SHC3: variants seen among roughly 807,000 people sequenced by gnomAD.
SHC3 encodes the protein SHC-transforming protein 3.
Under a neutral mutation model 60.4 loss-of-function variants are expected in SHC3, and 15 were observed. That is an observed-to-expected ratio of 0.25 (90% CI 0.17 to 0.38). The LOEUF (loss-of-function observed/expected upper bound fraction) is 0.38. SHC3 is among the 10% of genes least tolerant of loss of function. SHC3 has a pLI of 1.00. For synonymous variants in SHC3, 294 were observed against 325.9 expected, an observed-to-expected ratio of 0.90 and a Z score of 1.05; for missense variants, 677 against 786.1, an observed-to-expected ratio of 0.86 and a Z score of 1.66.
intron 2 of SHC3, among the ~76,000 whole-genome samples, chr9:89,110,790 T>C (rs1019228712): frequency 6.6e-6 from 1 of 152,184 alleles, no homozygotes; most frequent in African/African-American, 2.4e-5. Context: ...ACTTGTCCCA[T>C]TATGCTGCTT....
At chr9:89,104,116 C>T (rs1825821153) in intron 2 of SHC3, among the ~76,000 whole-genome samples, 1 of 152,036 alleles carries the variant, frequency 6.6e-6, no homozygotes, top group South Asian at 2.1e-4. Flanking sequence ...CATTCTCAGT[C>T]ACCAAGTCAT....
At chr9:89,117,211 C>A (rs1189679733) in intron 1 of SHC3, among the ~76,000 whole-genome samples, 2 of 152,146 alleles carry the variant, frequency 1.3e-5, no homozygotes, top group African/African-American at 4.8e-5. Flanking sequence ...ATACCAGCAC[C>A]AACGTCGCAG....
In SHC3 at chr9:89,109,269, G is replaced by A. The variant is rs184101833; in HGVS notation, c.545+3287C>T. 92 of 735,732 alleles carry A rather than the reference G, an allele frequency of 1.3e-4. No homozygotes were observed. The East Asian group carries it at 1.8e-3, about 15-fold the overall frequency. 45.6% of individuals were successfully genotyped at this position (735,732 alleles called of 1,614,324 possible). A position where few individuals can be genotyped will look rare whatever the true frequency, so the allele number is the denominator to read the frequency against. On this transcript the variant is annotated intron_variant, in intron 2 of 11. Transcript: ENST00000375835. The stretch of plus-strand genomic sequence containing the variant: ...GTCTGAAGAGAGAGGTAGAGGGGTC[G>A]CAGAGGATGCATGGGTGAAGGGGGT...
At chr9:89,093,369 T>G (rs1461050957) in intron 2 of SHC3, among the ~76,000 whole-genome samples, 1 of 152,144 alleles carries the variant, frequency 6.6e-6, no homozygotes, top group Non-Finnish European at 1.5e-5. Context: ...GGCTGCTGAC[T>G]GAAAAAGGGC....
At position 89,008,729 on chromosome 9, in the gene SHC3, C is replaced by A. The variant is rs951698487; in HGVS notation, c.*4718G>T. On this transcript the variant is annotated 3_prime_UTR_variant, in exon 12 of 12. Coordinates refer to ENST00000375835, the MANE Select transcript of SHC3 (RefSeq NM_016848.6). ...AGTGATAGACTTGGTGAATAAATAC[C>A]CCAGCTGTCTCCCCGCCTTGCTGGG... 6.6e-6 allele frequency: 1 copy of A among 152,062 alleles called. No individual in the cohort carries two copies. The highest frequency in any genetic ancestry group is 2.4e-5 in the African/African-American group (1 of 41,388). 9.4% of individuals were successfully genotyped at this position (152,062 alleles called of 1,614,324 possible).
intron 1 of SHC3, among the ~76,000 whole-genome samples, chr9:89,173,721 A>G (rs919056905): frequency 1.3e-5 from 2 of 151,800 alleles, no homozygotes; most frequent in African/African-American, 4.8e-5. Context: ...GTGTGTGTAT[A>G]TGTGAGGTGT....
At chr9:89,151,042 A>G (rs1826539058) in intron 1 of SHC3, among the ~76,000 whole-genome samples, 2 of 146,322 alleles carry the variant, frequency 1.4e-5, no homozygotes, top group South Asian at 2.1e-4. Context: ...TTTTTGATAC[A>G]TGGTCTTATT....
At chr9:89,144,720 T>C (rs1449540580) in intron 1 of SHC3, among the ~76,000 whole-genome samples, 2 of 152,232 alleles carry the variant, frequency 1.3e-5, no homozygotes, top group Non-Finnish European at 2.9e-5. Context: ...GTCCTACAAG[T>C]ATGCTTTCTG....
In SHC3 at chr9:89,013,366, C is replaced by T. The variant is rs1826038517; in HGVS notation, c.*81G>A. ...AAGGCTCTGAGCCACAGGCAGCTGTCCCAGTTCCAGCAGCCCCGATTCTAG... is the reference window on the plus strand; with the variant it reads ...AAGGCTCTGAGCCACAGGCAGCTGTTCCAGTTCCAGCAGCCCCGATTCTAG... On this transcript the variant is annotated 3_prime_UTR_variant, in exon 12 of 12. Coordinates refer to ENST00000375835, the MANE Select transcript of SHC3 (RefSeq NM_016848.6). 1.4e-6 allele frequency: 2 copies of T among 1,386,194 alleles called. No individual in the cohort carries two copies. Among genetic ancestry groups the T allele is most frequent in the South Asian group, 2.0e-5 (1 of 49,704 alleles). The allele number at this position is 1,386,194 out of a possible 1,614,324, so 85.9% of individuals were successfully genotyped here. A position where few individuals can be genotyped will look rare whatever the true frequency, so the allele number is the denominator to read the frequency against.
chr9:89,054,504 A>G (rs1043212926), intron 6 of SHC3, among the ~76,000 whole-genome samples: 3 of 152,218 alleles, frequency 2.0e-5, no homozygotes, highest in African/African-American at 7.2e-5. Context: ...TTCTTCTGAG[A>G]GTATTGACAC....
At chr9:89,055,233 C>T (rs1824929653) in intron 6 of SHC3, among the ~76,000 whole-genome samples, 1 of 152,246 alleles carries the variant, frequency 6.6e-6, no homozygotes. Context: ...ACTTCCAGTT[C>T]TCAGCTTCCT....
chr9:89,091,437 T>A (rs538666271), intron 2 of SHC3, among the ~76,000 whole-genome samples: 1 of 152,320 alleles, frequency 6.6e-6, no homozygotes, highest in South Asian at 2.1e-4. Context: ...GATTTGGGCC[T>A]AACTGGCTAT....
chr9:89,076,048 T>C (rs1246499807), intron 3 of SHC3, among the ~76,000 whole-genome samples: 1 of 152,096 alleles, frequency 6.6e-6, no homozygotes, highest in African/African-American at 2.4e-5. Context: ...GAAGGAGATA[T>C]TTAAAAACAG....
intron 1 of SHC3, among the ~76,000 whole-genome samples, chr9:89,125,000 T>A (rs1281906103): frequency 6.6e-6 from 1 of 152,150 alleles, no homozygotes; most frequent in Non-Finnish European, 1.5e-5. Flanking sequence ...AATTTACTAG[T>A]CATGCCCGAG....
chr9:89,173,153 C>G lies in SHC3; in HGVS notation c.474+4834G>C, dbSNP rs187441346. Among the ~76,000 whole-genome samples, 42 of 152,366 alleles carry G rather than the reference C, an allele frequency of 2.8e-4. No homozygotes were observed. The East Asian group carries it at 6.2e-3, about 22-fold the overall frequency. ...GGTCCAGAGAGGTGAGCTGACTGCT[C>G]TAGCCCCACACTAAGCTGGCGGTGG... is the stretch of plus-strand genomic sequence containing the variant. On this transcript the variant is annotated intron_variant, in intron 1 of 11. Transcript: ENST00000375835.
intron 11 of SHC3, among the ~76,000 whole-genome samples, chr9:89,036,356 T>C (rs1824577333): frequency 1.3e-5 from 2 of 152,186 alleles, no homozygotes; most frequent in Non-Finnish European, 2.9e-5. Flanking sequence ...CTAGCAAACC[T>C]AGAGACTCTC....
chr9:89,064,315 A>G (rs997336260), intron 6 of SHC3, among the ~76,000 whole-genome samples: 4 of 152,038 alleles, frequency 2.6e-5, no homozygotes, highest in African/African-American at 9.7e-5. Context: ...CTTTTTCTGC[A>G]TCACAGGTCT....
chr9:89,125,905 T>C (rs1042183487), intron 1 of SHC3, among the ~76,000 whole-genome samples: 1 of 152,224 alleles, frequency 6.6e-6, no homozygotes, highest in African/African-American at 2.4e-5. Flanking sequence ...CCAGTAGCTC[T>C]TGGGGCTGCT....
rs1564155970 is a variant in SHC3 at position 89,116,307 on chromosome 9, T to C, written c.475-3681A>G. 2.0e-5 allele frequency among the ~76,000 whole-genome samples: 3 copies of C among 152,302 alleles called. No homozygotes were observed. The South Asian group carries it at 6.2e-4, about 32-fold the overall frequency. On this transcript the variant is annotated intron_variant, in intron 1 of 11. Transcript: ENST00000375835. The stretch of plus-strand genomic sequence containing the variant: ...CACCACAACAAACGTTGCAGAGTTA[T>C]GTGAACACCATGACAAACTTTGCAG...
Sources: allele counts gnomAD v4.1 joint callset (sites outside exome capture counted in the v4.1 genomes callset), GRCh38; gene constraint gnomAD v4.1.1; transcripts MANE v1.5; gene names NCBI Gene and HGNC (gene_info 2026-07-23, HGNC 2026-07-21).